Variants in ZFPM1 observed in about 807,000 individuals in gnomAD.
ZFPM1 encodes zinc finger protein ZFPM1.
A neutral mutation model predicts 46.3 loss-of-function variants in ZFPM1; 28 were observed. The ratio of observed to expected loss-of-function variants is 0.60; its 90% CI spans 0.45 to 0.83. The LOEUF is 0.83. ZFPM1 is among the 40% of genes least tolerant of loss of function. ZFPM1 has a pLI of 0.00. For synonymous variants in ZFPM1, 957 were observed against 675.9 expected (o/e 1.42, Z -6.45); for missense variants, 1,878 against 1,432.4 (o/e 1.31, Z -5.02).
chr16:88,472,901 C>T (rs570980403), intron 1 of ZFPM1, among the ~76,000 whole-genome samples: 2 of 152,260 alleles, frequency 1.3e-5, no homozygotes, highest in African/African-American at 4.8e-5. Context: ...TGGTTTCAGG[C>T]GGGGCAGCAG....
In ZFPM1 at chr16:88,533,415, C is replaced by T; in HGVS notation, c.1457C>T (p.Pro486Leu). Residue 486 changes from proline to leucine, a missense_variant, in exon 10 of 10, where the codon CCG becomes CTG. By Grantham distance (98) the Pro-to-Leu change is moderately conservative (BLOSUM62 -3). Coordinates refer to ENST00000319555, the MANE Select transcript of ZFPM1 (RefSeq NM_153813.3). ...LGPGEPGPQAPSRTPSPRSPA... is the reference protein window; with the variant it reads ...LGPGEPGPQALSRTPSPRSPA... ...CCCGGAGAGCCTGGGCCCCAGGCCC[C>T]GTCGCGGACGCCGTCGCCGCGCAGC... 2.0e-6 allele frequency: 3 copies of T among 1,487,602 alleles called. No homozygotes were observed. The South Asian group carries it at 3.8e-5, about 19-fold the overall frequency. The allele number at this position is 1,487,602 out of a possible 1,614,324, so 92.2% of individuals were successfully genotyped here.
At chr16:88,486,208 G>A (rs574397888) in intron 2 of ZFPM1, among the ~76,000 whole-genome samples, 165 bp downstream of exon 2, 1 of 152,222 alleles carries the variant, frequency 6.6e-6, no homozygotes, top group Non-Finnish European at 1.5e-5. Flanking sequence ...GGAGGCCCTC[G>A]GTGGGGCTGG....
In ZFPM1 at chr16:88,536,583, T is replaced by C. The variant is rs908077986; in HGVS notation, c.*1604T>C. On this transcript the variant is annotated 3_prime_UTR_variant, in exon 10 of 10. Coordinates refer to ENST00000319555, the MANE Select transcript of ZFPM1 (RefSeq NM_153813.3). ...CTCTTGCCTCAGAAGCCCGAGGCAC[T>C]TCCCAGCCAGTCCAGGGCTCGCTCT... 2 of 152,260 alleles carry C rather than the reference T, an allele frequency of 1.3e-5. No individual in the cohort carries two copies. The highest frequency in any genetic ancestry group is 4.8e-5 in the African/African-American group (2 of 41,470). The allele number at this position is 152,260 out of a possible 1,614,324, so 9.4% of individuals were successfully genotyped here. A position where few individuals can be genotyped will look rare whatever the true frequency, so the allele number is the denominator to read the frequency against.
chr16:88,461,020 CGG>C (rs1262929866), intron 1 of ZFPM1, among the ~76,000 whole-genome samples: 1 of 43,780 alleles, frequency 2.3e-5, no homozygotes, highest in Non-Finnish European at 4.6e-5. Flanking sequence ...AGGGGTGGGG[CGG>C]GAGGCCTGGT....
At chr16:88,524,636 T>G (rs1005884305) in intron 4 of ZFPM1, among the ~76,000 whole-genome samples, 3 of 152,182 alleles carry the variant, frequency 2.0e-5, no homozygotes, top group African/African-American at 7.2e-5. Flanking sequence ...CTAATATGCA[T>G]CCTGTGCTGG....
At chr16:88,499,917 G>C (rs1015127406) in intron 3 of ZFPM1, among the ~76,000 whole-genome samples, 1 of 152,210 alleles carries the variant, frequency 6.6e-6, no homozygotes, top group Admixed American at 6.5e-5. Flanking sequence ...GCGGACAGTG[G>C]ATGCCCCATG....
intron 1 of ZFPM1, among the ~76,000 whole-genome samples, chr16:88,460,387 T>C (rs1907763639): frequency 6.6e-6 from 1 of 152,104 alleles, no homozygotes; most frequent in South Asian, 2.1e-4. Flanking sequence ...GCCTGCCATC[T>C]TTCTGGGCCC....
Position 88,528,089 on chromosome 16 carries a change from T to G in ZFPM1, c.563T>G (p.Val188Gly). 6.4e-7 allele frequency: 1 copy of G among 1,574,114 alleles called. No homozygotes were observed. The change falls in exon 6 of 10, where the codon GTG (valine) becomes GGG (glycine). Residue 188 changes from valine to glycine, a missense_variant. Coordinates refer to ENST00000319555, the MANE Select transcript of ZFPM1 (RefSeq NM_153813.3). ...KPVPAGGLLS[V>G]LLTAEPHSTP... is the part of the protein sequence containing the mutation. ...GTGCCTGCGGGGGGACTCCTGAGCG[T>G]GCTCCTCACGGCCGAGCCCCACAGC...
At chr16:88,492,902 C>T (rs945850617) in intron 3 of ZFPM1, among the ~76,000 whole-genome samples, 1 of 152,222 alleles carries the variant, frequency 6.6e-6, no homozygotes, top group Non-Finnish European at 1.5e-5. Context: ...CCTGGGCACA[C>T]AAGGACTTTG....
chr16:88,473,649 C>T (rs1237581055), intron 1 of ZFPM1, among the ~76,000 whole-genome samples: 6 of 152,262 alleles, frequency 3.9e-5, no homozygotes, highest in Non-Finnish European at 8.8e-5. Context: ...AGCCGCGGCC[C>T]CCGCCCCATC....
At chr16:88,518,884 GTGGAGGGA>G (rs1911560594) in intron 4 of ZFPM1, among the ~76,000 whole-genome samples, 1 of 147,158 alleles carries the variant, frequency 6.8e-6, no homozygotes, top group African/African-American at 2.5e-5. Flanking sequence ...AGATGGATGA[GTGGAGGGA>G]TGGATGGATG....
chr16:88,497,108 C>T lies in ZFPM1; in HGVS notation c.268+7955C>T, dbSNP rs1350115018. ...ACAAGGTGAATTCCAGCTGATCACA[C>T]AAGTCGTGACTTTTCCATCCCCACT... On this transcript the variant is annotated intron_variant, in intron 3 of 9. Transcript: ENST00000319555. This position sits in a 1 kb window ranked among gnomAD's most constrained non-coding sequence, Gnocchi z 5.4. 6.6e-6 allele frequency among the ~76,000 whole-genome samples: 1 copy of T among 152,254 alleles called. No homozygotes were observed. The highest frequency in any genetic ancestry group is 2.1e-4 in the South Asian group (1 of 4,834).
At position 88,535,097 on chromosome 16, in the gene ZFPM1, G is replaced by T; in HGVS notation, c.*118G>T. 14 of 1,270,046 alleles carry T rather than the reference G, an allele frequency of 1.1e-5. No individual in the cohort carries two copies. The highest frequency in any genetic ancestry group is 1.4e-5 in the Non-Finnish European group (14 of 988,630). 78.7% of individuals were successfully genotyped at this position (1,270,046 alleles called of 1,614,324 possible). On this transcript the variant is annotated 3_prime_UTR_variant, in exon 10 of 10. Coordinates refer to ENST00000319555, the MANE Select transcript of ZFPM1 (RefSeq NM_153813.3). ...ACCCCGCCACGCACAGGCCTCGGCG[G>T]AGGGGGCCGCAGGGGGCAGCGCCCG... is the stretch of plus-strand genomic sequence containing the variant.
chr16:88,523,802 C>T (rs1339473432), intron 4 of ZFPM1, among the ~76,000 whole-genome samples: 2 of 152,128 alleles, frequency 1.3e-5, no homozygotes, highest in African/African-American at 2.4e-5. Context: ...CCTCCCGGGT[C>T]GGGGGCGGGT....
chr16:88,499,327 C>T (rs897899134), intron 3 of ZFPM1, among the ~76,000 whole-genome samples: 7 of 152,244 alleles, frequency 4.6e-5, no homozygotes, highest in African/African-American at 1.7e-4. Context: ...ATGTGCCAGC[C>T]CTGTGATAGA....
At chr16:88,456,674 G>T (rs1907575598) in intron 1 of ZFPM1, among the ~76,000 whole-genome samples, 1 of 152,228 alleles carries the variant, frequency 6.6e-6, no homozygotes, top group South Asian at 2.1e-4. Context: ...GGGAGCAAGG[G>T]CTGAGAGGCG....
At chr16:88,523,477 C>T (rs900382982) in intron 4 of ZFPM1, among the ~76,000 whole-genome samples, 19 of 152,184 alleles carry the variant, frequency 1.2e-4, no homozygotes, top group Admixed American at 5.9e-4. Flanking sequence ...CGGGTGGCCC[C>T]GGGCTGGCTT....
At chr16:88,505,207 C>T (rs1042204281) in intron 3 of ZFPM1, among the ~76,000 whole-genome samples, 2 of 152,206 alleles carry the variant, frequency 1.3e-5, no homozygotes, top group African/African-American at 4.8e-5. Context: ...ACAGTGGACG[C>T]CAGGCCCAGG....
In ZFPM1 at chr16:88,533,681, A is replaced by C; in HGVS notation, c.1723A>C (p.Lys575Gln). 6.7e-7 allele frequency: 1 copy of C among 1,488,102 alleles called. No homozygotes were observed. Among genetic ancestry groups the C allele is most frequent in the Non-Finnish European group, 9.0e-7 (1 of 1,113,476 alleles). 92.2% of individuals were successfully genotyped at this position (1,488,102 alleles called of 1,614,324 possible). A position where few individuals can be genotyped will look rare whatever the true frequency, so the allele number is the denominator to read the frequency against. ...GACCGGGCTCTTCCCCGGGGCCCCC[A>C]AGGGCGCTACGTGCTTCGAGTGCGA... ...AQTGLFPGAPKGATCFECEIT... is the reference protein window; with the variant it reads ...AQTGLFPGAPQGATCFECEIT... The change falls in exon 10 of 10, where the codon AAG (lysine) becomes CAG (glutamine). Residue 575 changes from lysine to glutamine, a missense_variant. Transcript: ENST00000319555.
Sources: allele counts gnomAD v4.1 joint callset (sites outside exome capture counted in the v4.1 genomes callset), GRCh38; gene constraint gnomAD v4.1.1; non-coding constraint Gnocchi (gnomAD v3.1); transcripts MANE v1.5; gene names NCBI Gene and HGNC (gene_info 2026-07-23, HGNC 2026-07-21).